Variants in KCNQ4 observed in about 807,000 individuals in gnomAD.
KCNQ4 encodes potassium voltage-gated channel subfamily Q member 4, also known as potassium voltage-gated channel subfamily KQT member 4.
In KCNQ4, 31 loss-of-function variants were observed where a neutral mutation model predicts 72.6. The ratio of observed to expected loss-of-function variants is 0.43; its 90% CI spans 0.32 to 0.58. KCNQ4 has a LOEUF of 0.58. Among genes scored for constraint, KCNQ4 ranks in the 20% least tolerant of loss-of-function variants. The pLI is 0.08. For missense variants in KCNQ4, 869 were observed against 962.6 expected, an observed-to-expected ratio of 0.90 and a Z score of 1.29; for synonymous variants, 405 against 403.7, an observed-to-expected ratio of 1.00 and a Z score of -0.04.
intron 7 of KCNQ4, among the ~76,000 whole-genome samples, chr1:40,821,899 A>C (rs961089285): frequency 6.6e-6 from 1 of 152,204 alleles, no homozygotes; most frequent in Non-Finnish European, 1.5e-5. Context: ...CTTGGCATTT[A>C]ATATACAACT....
At chr1:40,808,048 A>G (rs1299869325) in intron 1 of KCNQ4, among the ~76,000 whole-genome samples, 1 of 149,672 alleles carries the variant, frequency 6.7e-6, no homozygotes, top group East Asian at 1.9e-4. Flanking sequence ...GTGATGCTGC[A>G]GTGAGCTATG....
At chr1:40,804,474 A>G (rs1000156551) in intron 1 of KCNQ4, among the ~76,000 whole-genome samples, 10 of 152,170 alleles carry the variant, frequency 6.6e-5, no homozygotes, top group Admixed American at 1.3e-4. Context: ...CAGTGCCCAG[A>G]TATAGCCAGT....
intron 1 of KCNQ4, among the ~76,000 whole-genome samples, chr1:40,808,999 CT>C (rs147845952): frequency 0.02 from 2,997 of 152,246 alleles, 90 homozygotes; most frequent in African/African-American, 0.069. Flanking sequence ...TCTTCCTCTC[CT>C]TCTGAGAGAA....
intron 1 of KCNQ4, among the ~76,000 whole-genome samples, chr1:40,799,360 T>TG (rs911678533): frequency 1.3e-4 from 20 of 152,116 alleles, no homozygotes; most frequent in Non-Finnish European, 2.4e-4. Context: ...CAGGAGTGTT[T>TG]GGGGCTCATC....
At chr1:40,826,602 C>G in intron 9 of KCNQ4, 2 of 448,064 alleles carry the variant, frequency 4.5e-6, no homozygotes, top group Non-Finnish European at 9.1e-6. Context: ...CCCTTTCCCG[C>G]TAACCTCTGT....
intron 1 of KCNQ4, among the ~76,000 whole-genome samples, chr1:40,816,799 G>A (rs2148316558): frequency 6.6e-6 from 1 of 152,312 alleles, no homozygotes; most frequent in East Asian, 1.9e-4. Flanking sequence ...TGCAGATGAG[G>A]CCAGGCTCCT....
At chr1:40,821,696 C>G (rs1276295354) in intron 7 of KCNQ4, among the ~76,000 whole-genome samples, 2 of 152,270 alleles carry the variant, frequency 1.3e-5, no homozygotes, top group Non-Finnish European at 2.9e-5. Flanking sequence ...TGCAAAGCAC[C>G]CACATGTGCC....
At chr1:40,802,227 T>C (rs1647593605) in intron 1 of KCNQ4, among the ~76,000 whole-genome samples, 3 of 152,098 alleles carry the variant, frequency 2.0e-5, no homozygotes, top group Admixed American at 2.0e-4. Flanking sequence ...CCCTTTAGGA[T>C]GGTGCTGTGA....
chr1:40,784,307 C>G lies in KCNQ4; in HGVS notation c.214C>G (p.Arg72Gly). ...CGGCTCGGGCTCCGCCTGCGGCCAG[C>G]GCTCCTCGGCCGCGCACAAGCGCTA... ...GSGSGSACGQRSSAAHKRYRR... is the reference protein window; with the variant it reads ...GSGSGSACGQGSSAAHKRYRR... The change falls in exon 1 of 14, where the codon CGC becomes GGC. Residue 72 changes from arginine to glycine, a missense_variant. By Grantham distance (125) the Arg-to-Gly change is moderately radical. Coordinates refer to ENST00000347132, the MANE Select transcript of KCNQ4 (RefSeq NM_004700.4). This position sits in a 1 kb window ranked among gnomAD's most constrained non-coding sequence, Gnocchi z 4.1. The G allele has an allele frequency of 6.2e-7, 1 of 1,600,518 alleles. No individual in the cohort carries two copies. The highest frequency in any genetic ancestry group is 1.1e-5 in the South Asian group (1 of 90,578).
intron 1 of KCNQ4, among the ~76,000 whole-genome samples, chr1:40,807,092 C>T (rs983337273): frequency 4.6e-5 from 7 of 152,170 alleles, no homozygotes; most frequent in Admixed American, 1.3e-4. Context: ...CTAATGGGTC[C>T]GTCTAGAGGG....
At position 40,838,504 on chromosome 1, in the gene KCNQ4, T is replaced by G; in HGVS notation, c.2069T>G (p.Val690Gly). The G allele has an allele frequency of 6.2e-7, 1 of 1,614,108 alleles. No individual in the cohort carries two copies. Among genetic ancestry groups the G allele is most frequent in the East Asian group, 2.2e-5 (1 of 44,878 alleles). ...SAQTLSISRSVSTNMD is the reference protein window; with the variant it reads ...SAQTLSISRSGSTNMD ...CAGACGCTCAGCATCTCCCGCTCGGTCAGCACCAACATGGACTGAGGGACT... is the reference window on the plus strand; with the variant it reads ...CAGACGCTCAGCATCTCCCGCTCGGGCAGCACCAACATGGACTGAGGGACT... Residue 690 changes from valine (V) to glycine (G), a missense_variant, in exon 14 of 14, where the codon GTC becomes GGC. This residue lies in a region of KCNQ4 where 480 missense variants were observed against 501.9 expected (regional missense o/e 0.96). Coordinates refer to ENST00000347132, the MANE Select transcript of KCNQ4 (RefSeq NM_004700.4).
intron 1 of KCNQ4, among the ~76,000 whole-genome samples, chr1:40,806,136 C>T (rs998700857): frequency 2.0e-5 from 3 of 152,224 alleles, no homozygotes; most frequent in Non-Finnish European, 2.9e-5. Flanking sequence ...CCACCGCGCC[C>T]GGCCTCACAT....
At chr1:40,790,022 G>C (rs1399856362) in intron 1 of KCNQ4, among the ~76,000 whole-genome samples, 1 of 152,242 alleles carries the variant, frequency 6.6e-6, no homozygotes, top group Non-Finnish European at 1.5e-5. Flanking sequence ...TGCCCTGGGG[G>C]AAGCTCCTAG....
In KCNQ4 at chr1:40,794,391, A is replaced by T. The variant is rs1647350205; in HGVS notation, c.314+9984A>T. Among the ~76,000 whole-genome samples the T allele has an allele frequency of 6.6e-6, 1 of 152,024 alleles. No individual in the cohort carries two copies. Among genetic ancestry groups the T allele is most frequent in the African/African-American group, 2.4e-5 (1 of 41,378 alleles). On this transcript the variant is annotated intron_variant, in intron 1 of 13. Transcript: ENST00000347132. This position sits in a 1 kb window ranked among gnomAD's most constrained non-coding sequence, Gnocchi z 4.2. ...CGTGAGGTCATCTATTTTTTCCAGT[A>T]CCCGCTAGGTAGCAGGCACTATTAT...
At chr1:40,819,613 A>C in intron 5 of KCNQ4, 141 bp downstream of exon 5, 4 of 1,159,054 alleles carry the variant, frequency 3.5e-6, no homozygotes, top group Admixed American at 3.9e-5. Flanking sequence ...CCCCCCTGAG[A>C]CCAGCCCCAA....
intron 4 of KCNQ4, 130 bp from the exon 5 acceptor site, chr1:40,819,217 A>G (rs1648202348): frequency 1.8e-6 from 2 of 1,093,596 alleles, no homozygotes; most frequent in South Asian, 2.7e-5. Flanking sequence ...TGATGGGAGG[A>G]GCTGAGAAAG....
chr1:40,785,013 C>T (rs535320689), intron 1 of KCNQ4, among the ~76,000 whole-genome samples: 2 of 152,212 alleles, frequency 1.3e-5, no homozygotes, highest in South Asian at 4.1e-4. Context: ...CAGTCTTCCC[C>T]TCCACCCTCA....
intron 9 of KCNQ4, among the ~76,000 whole-genome samples, chr1:40,827,232 G>C (rs1000572547): frequency 6.6e-6 from 1 of 152,192 alleles, no homozygotes; most frequent in Non-Finnish European, 1.5e-5. Context: ...GGGACACGGT[G>C]ATGAATAAAA....
At chr1:40,832,791 G>A (rs1469232167) in intron 10 of KCNQ4, among the ~76,000 whole-genome samples, 1 of 152,142 alleles carries the variant, frequency 6.6e-6, no homozygotes, top group Non-Finnish European at 1.5e-5. Flanking sequence ...CCAGGCAGAT[G>A]TTTACCCTGA....
Sources: allele counts gnomAD v4.1 joint callset (sites outside exome capture counted in the v4.1 genomes callset), GRCh38; gene constraint gnomAD v4.1.1; regional missense constraint gnomAD v4.1.1; non-coding constraint Gnocchi (gnomAD v3.1); transcripts MANE v1.5; gene names NCBI Gene and HGNC (gene_info 2026-07-23, HGNC 2026-07-21).